Variants in ZNF883 observed in about 807,000 individuals in gnomAD.
The protein encoded by ZNF883 is zinc finger protein 883.
At chr9:113,003,691 T>C (rs1399601319) in intron 2 of ZNF883, among the ~76,000 whole-genome samples, 1 of 151,496 alleles carries the variant, frequency 6.6e-6, no homozygotes, top group Admixed American at 6.6e-5. Flanking sequence ...GCAAGCTAAA[T>C]ACAAAGAAAG....
At chr9:112,997,934 C>T (rs915139285) in exon 1 of ZNF883, 2 of 1,613,584 alleles carry the variant, frequency 1.2e-6, no homozygotes, top group African/African-American at 2.7e-5. Flanking sequence ...AAGGGATGAC[C>T]TATGACTAAA....
intron 2 of ZNF883, among the ~76,000 whole-genome samples, chr9:113,007,683 C>T (rs1828491837): frequency 6.6e-6 from 1 of 152,176 alleles, no homozygotes; most frequent in Admixed American, 6.5e-5. Flanking sequence ...GCTTCTTGCT[C>T]TCTAAACCTC....
intron 1 of ZNF883, among the ~76,000 whole-genome samples, chr9:112,991,284 T>C (rs1828299660): frequency 6.6e-6 from 1 of 152,210 alleles, no homozygotes; most frequent in Non-Finnish European, 1.5e-5. Context: ...TTCTGGTATG[T>C]TGACTCTTTG....
chr9:113,003,451 T>C (rs554771328), intron 2 of ZNF883, among the ~76,000 whole-genome samples: 19 of 152,298 alleles, frequency 1.2e-4, no homozygotes, highest in South Asian at 1.0e-3. Context: ...CCTTGTTTTA[T>C]GTTTTACTTC....
chr9:112,995,283 G>A (rs1252493817), downstream of ZNF883, among the ~76,000 whole-genome samples: 6 of 152,028 alleles, frequency 3.9e-5, no homozygotes, highest in Admixed American at 3.9e-4. Flanking sequence ...GACTCAAACT[G>A]GAACTTACAC....
At chr9:112,994,623 T>C (rs965974699), downstream of ZNF883, among the ~76,000 whole-genome samples, 2 of 151,724 alleles carry the variant, frequency 1.3e-5, no homozygotes, top group Non-Finnish European at 2.9e-5. Flanking sequence ...ATTATAATAT[T>C]CTATATTTTT....
chr9:112,998,459 C>A (rs1828388407), upstream of ZNF883: 4 of 408,204 alleles, frequency 9.8e-6, no homozygotes, highest in South Asian at 8.5e-5. Flanking sequence ...CAGGTTCCTA[C>A]CATTGATGTC....
At chr9:112,998,535 CTG>C (rs1370676661), upstream of ZNF883, 5 of 270,924 alleles carry the variant, frequency 1.8e-5, no homozygotes, top group African/African-American at 6.6e-5. Flanking sequence ...CCATGGGAAA[CTG>C]TGGTCAAAAA....
chr9:112,990,767 G>T (rs940945327), intron 1 of ZNF883, among the ~76,000 whole-genome samples: 2 of 151,948 alleles, frequency 1.3e-5, no homozygotes, highest in African/African-American at 4.8e-5. Flanking sequence ...GTTGTTGTTG[G>T]TAGCTTATTA....
chr9:112,997,992 C>G, exon 1 of ZNF883: 1 of 1,613,010 alleles, frequency 6.2e-7, no homozygotes, highest in African/African-American at 1.3e-5. Context: ...CCAGTATGGA[C>G]TCTTTGATGC....
At chr9:113,011,195 T>A (rs149340126) in exon 2 of ZNF883, 1 of 152,224 alleles carries the variant, frequency 6.6e-6, no homozygotes, top group Non-Finnish European at 1.5e-5. Flanking sequence ...GATGCCATCT[T>A]ATATAAGTAA....
chr9:112,995,305 C>T (rs1828340063), downstream of ZNF883, among the ~76,000 whole-genome samples: 1 of 152,154 alleles, frequency 6.6e-6, no homozygotes, highest in Admixed American at 6.5e-5. Flanking sequence ...TTCAGTTTTC[C>T]TGCCCTTCAG....
exon 1 of ZNF883, chr9:112,997,885 A>G: frequency 6.2e-7 from 1 of 1,613,856 alleles, no homozygotes; most frequent in Non-Finnish European, 8.5e-7. Flanking sequence ...CATTACAAGG[A>G]TAGGGTTTTT....
exon 1 of ZNF883, chr9:112,997,613 T>C: frequency 6.2e-7 from 1 of 1,614,032 alleles, no homozygotes; most frequent in Non-Finnish European, 8.5e-7. Flanking sequence ...GCTGAAAGCT[T>C]TCCCACATTC....
At chr9:113,010,813 C>A (rs1347924786) in intron 2 of ZNF883, among the ~76,000 whole-genome samples, 1 of 151,882 alleles carries the variant, frequency 6.6e-6, no homozygotes, top group Non-Finnish European at 1.5e-5. Flanking sequence ...TGGTGAAACC[C>A]CATCTCTACT....
downstream of ZNF883, among the ~76,000 whole-genome samples, chr9:112,994,177 G>A (rs1828327587): frequency 6.6e-6 from 1 of 152,188 alleles, no homozygotes; most frequent in Non-Finnish European, 1.5e-5. Flanking sequence ...CAGATCCATG[G>A]AAAAAGTGTG....
At chr9:112,999,584 G>C (rs1047401822), upstream of ZNF883, 1 of 152,172 alleles carries the variant, frequency 6.6e-6, no homozygotes, top group South Asian at 2.1e-4. Context: ...GCTACAAGTT[G>C]AGGGTTCCTA....
exon 1 of ZNF883, chr9:112,997,267 G>A (rs775882903): frequency 6.2e-7 from 1 of 1,614,154 alleles, no homozygotes; most frequent in Non-Finnish European, 8.5e-7. Flanking sequence ...CTGAGCTTAA[G>A]CTGAAGGATT....
rs199788407 is a variant in ZNF883 at position 112,997,502 on chromosome 9, G to C, written n.758C>G. 678 of 1,614,126 alleles carry C rather than the reference G, an allele frequency of 4.2e-4. 1 individual carries two copies. Among genetic ancestry groups the C allele is most frequent in the Non-Finnish European group, 5.1e-4 (607 of 1,180,006 alleles). On this transcript the variant is annotated non_coding_transcript_exon_variant, in exon 1 of 1. Coordinates refer to ENST00000639662, the Ensembl canonical transcript of ZNF883. ...TCCAGTATGAGTTCTCTGGTGTTCA[G>C]TAAGATGTGCACTCCGATTGAAGGC...
Sources: allele counts gnomAD v4.1 joint callset (sites outside exome capture counted in the v4.1 genomes callset), GRCh38; gene constraint gnomAD v4.1.1; transcripts MANE v1.5; gene names NCBI Gene and HGNC (gene_info 2026-07-23, HGNC 2026-07-21).